The following STON2 variants were observed in gnomAD, a reference collection of about 807,000 sequenced individuals.
STON2 encodes stonin-2.
Under a neutral mutation model 65.7 loss-of-function variants are expected in STON2, and 29 were observed. The observed-to-expected ratio is 0.44, with a 90% CI of 0.33 to 0.60. The LOEUF (loss-of-function observed/expected upper bound fraction) is 0.60. STON2 is among the 20% of genes least tolerant of loss of function. STON2 has a pLI of 0.03. For synonymous variants in STON2, 404 were observed against 414.2 expected, an observed-to-expected ratio of 0.98 and a Z score of 0.30; for missense variants, 1,054 against 1,118.1, an observed-to-expected ratio of 0.94 and a Z score of 0.82.
At chr14:81,407,483 T>C (rs1844407566) in intron 2 of STON2, among the ~76,000 whole-genome samples, 7 of 152,356 alleles carry the variant, frequency 4.6e-5, no homozygotes, top group Admixed American at 4.6e-4. Flanking sequence ...CAAAAGAGGT[T>C]GTTAAATCTT....
chr14:81,333,322 T>G (rs1897271969), intron 4 of STON2: 1 of 620,796 alleles, frequency 1.6e-6, no homozygotes, highest in Non-Finnish European at 3.0e-6. Context: ...CGTTGGTTGG[T>G]CATGAACTTT....
chr14:81,365,666 G>A (rs1898689849), intron 4 of STON2, among the ~76,000 whole-genome samples: 1 of 152,134 alleles, frequency 6.6e-6, no homozygotes, highest in Non-Finnish European at 1.5e-5. Context: ...TGAGATGGGA[G>A]GATCACTTGA....
rs777476211 is a variant in STON2, at chr14:81,413,622, C to T, written c.-199+13480G>A. On this transcript the variant is annotated intron_variant, in intron 2 of 8. Coordinates refer to the STON2 transcript ENST00000553821. ...CAGCCTGACCAACATGGTGAAACCC[C>T]GTCTCTATTAAAAATACAAAAAAAT... 3.6e-5 allele frequency among the ~76,000 whole-genome samples: 5 copies of T among 138,080 alleles called. 1 individual carries two copies. The highest frequency in any genetic ancestry group is 6.0e-5 in the Non-Finnish European group (4 of 66,640). The allele number at this position is 138,080 out of a possible 152,430, so 90.6% of individuals were successfully genotyped here. A position where few individuals can be genotyped will look rare whatever the true frequency, so the allele number is the denominator to read the frequency against.
At chr14:81,435,904 C>T (rs1396224176) in intron 1 of STON2, among the ~76,000 whole-genome samples, 1 of 152,164 alleles carries the variant, frequency 6.6e-6, no homozygotes, top group Non-Finnish European at 1.5e-5. Context: ...GGGCGCGGCG[C>T]CAACCCGGGG....
intron 4 of STON2, among the ~76,000 whole-genome samples, chr14:81,338,592 C>A (rs1033999910): frequency 2.6e-5 from 4 of 152,076 alleles, no homozygotes; most frequent in African/African-American, 9.7e-5. Flanking sequence ...TATATCTGGT[C>A]GATCAGAAGT....
rs537491900 is a variant in STON2 at position 81,390,627 on chromosome 14, A to T, written c.373+5267T>A. On this transcript the variant is annotated intron_variant, in intron 3 of 7. Coordinates refer to ENST00000614646, the MANE Select transcript of STON2 (RefSeq NM_001394390.1). ...AACAAAAAGTCCTGCATCATTACAG[A>T]TTTACAGATGCTCCCCTAATTCAGA... 5.4e-4 allele frequency among the ~76,000 whole-genome samples: 83 copies of T among 152,342 alleles called. 4 individuals are homozygous for T. The South Asian group carries it at 0.015, about 28-fold the overall frequency.
intron 4 of STON2, among the ~76,000 whole-genome samples, chr14:81,337,999 C>G (rs760532260): frequency 6.6e-6 from 1 of 152,124 alleles, no homozygotes; most frequent in African/African-American, 2.4e-5. Flanking sequence ...TTGGTTTCTA[C>G]CCCAGGTTCC....
Position 81,262,316 on chromosome 14 carries a change from C to T in STON2, c.*6098G>A. 1.2e-5 allele frequency: 12 copies of T among 985,426 alleles called. No individual in the cohort carries two copies. The highest frequency in any genetic ancestry group is 1.3e-5 in the Non-Finnish European group (11 of 829,924). The allele number at this position is 985,426 out of a possible 1,614,324, so 61.0% of individuals were successfully genotyped here. A position where few individuals can be genotyped will look rare whatever the true frequency, so the allele number is the denominator to read the frequency against. ...ACTTTAAATAAACAATCCTCAATGT[C>T]CTCGTGTCTAGCCTTTCCTCCCTTT... On this transcript the variant is annotated 3_prime_UTR_variant, in exon 8 of 8. Transcript: ENST00000614646.
At chr14:81,281,008 C>T (rs1294299768) in intron 5 of STON2, among the ~76,000 whole-genome samples, 3 of 134,610 alleles carry the variant, frequency 2.2e-5, no homozygotes, top group African/African-American at 8.9e-5. Flanking sequence ...GAAACTCCGT[C>T]TCAAAAAAAA....
At chr14:81,282,120 T>C (rs1434336445) in intron 5 of STON2, among the ~76,000 whole-genome samples, 2 of 152,224 alleles carry the variant, frequency 1.3e-5, no homozygotes, top group African/African-American at 4.8e-5. Context: ...TGCAACGATG[T>C]ACACAGTGAT....
intron 5 of STON2, among the ~76,000 whole-genome samples, chr14:81,315,912 C>T (rs2140227756): frequency 6.6e-6 from 1 of 152,284 alleles, no homozygotes; most frequent in Admixed American, 6.5e-5. Context: ...AAAAACGTCA[C>T]CAGAAAGGTA....
intron 4 of STON2, among the ~76,000 whole-genome samples, chr14:81,331,982 T>C (rs1284949746): frequency 5.9e-5 from 9 of 152,238 alleles, no homozygotes; most frequent in African/African-American, 2.2e-4. Flanking sequence ...GGATCCTCCT[T>C]TAAAGCCAGA....
chr14:81,398,430 C>T lies in STON2; in HGVS notation c.-48G>A. The T allele has an allele frequency of 1.3e-6, 2 of 1,489,024 alleles. No homozygotes were observed. Among genetic ancestry groups the T allele is most frequent in the South Asian group, 2.3e-5 (2 of 88,120 alleles). The allele number at this position is 1,489,024 out of a possible 1,614,324, so 92.2% of individuals were successfully genotyped here. On this transcript the variant is annotated 5_prime_UTR_variant, in exon 2 of 8. Transcript: ENST00000614646. ...TCACACTGCTGACCTCAGGTGAACCCCAGAATACTGTCTGGGGTGGGCTGG... is the reference window on the plus strand; with the variant it reads ...TCACACTGCTGACCTCAGGTGAACCTCAGAATACTGTCTGGGGTGGGCTGG...
chr14:81,365,017 C>G lies in STON2; in HGVS notation c.571+5971G>C, dbSNP rs182464410. On this transcript the variant is annotated intron_variant, in intron 4 of 7. Coordinates refer to ENST00000614646, the MANE Select transcript of STON2 (RefSeq NM_001394390.1). ...TGTCTATGAGGAACATCTGAGCCCC[C>G]AGCCCATCCCATGGAACACAGGCTA... 1.6e-4 allele frequency among the ~76,000 whole-genome samples: 24 copies of G among 152,312 alleles called. No individual in the cohort carries two copies. In the East Asian group the frequency reaches 3.9e-3, roughly 24 times the overall value.
chr14:81,344,374 T>G (rs1193176285), intron 4 of STON2, among the ~76,000 whole-genome samples: 1 of 152,202 alleles, frequency 6.6e-6, no homozygotes, highest in Non-Finnish European at 1.5e-5. Context: ...CCTAGATATT[T>G]AGAAATATAC....
intron 5 of STON2, among the ~76,000 whole-genome samples, chr14:81,303,478 C>T (rs1254481543): frequency 6.6e-6 from 1 of 152,162 alleles, no homozygotes; most frequent in Admixed American, 6.5e-5. Flanking sequence ...GCCCTTTGCC[C>T]CAGTGGCTGA....
At position 81,410,278 on chromosome 14, in the gene STON2, C is replaced by CAAAAAAAA. The variant is rs1161157573; in HGVS notation, c.-198-11706_-198-11699dup. ...GCATGCAGATGAATGTAACTCTAAC[C>CAAAAAAAA]AAAAAAAAAAAAAAAAAAAAAAAAA... On this transcript the variant is annotated intron_variant, in intron 2 of 8. Coordinates refer to the STON2 transcript ENST00000553821. Among the ~76,000 whole-genome samples the CAAAAAAAA allele has an allele frequency of 3.5e-3, 161 of 45,806 alleles. 5 individuals carry two copies. Among genetic ancestry groups the CAAAAAAAA allele is most frequent in the Non-Finnish European group, 4.7e-3 (96 of 20,614 alleles). The allele number at this position is 45,806 out of a possible 152,430, so 30.1% of individuals were successfully genotyped here. A position where few individuals can be genotyped will look rare whatever the true frequency, so the allele number is the denominator to read the frequency against.
intron 1 of STON2, among the ~76,000 whole-genome samples, chr14:81,431,985 T>C (rs1391483324): frequency 6.6e-6 from 1 of 152,138 alleles, no homozygotes; most frequent in Non-Finnish European, 1.5e-5. Flanking sequence ...GAATTTTCTA[T>C]TCATACCCCG....
chr14:81,272,148 G>A (rs1480215942), intron 6 of STON2, among the ~76,000 whole-genome samples: 1 of 152,180 alleles, frequency 6.6e-6, no homozygotes, highest in Non-Finnish European at 1.5e-5. Context: ...TGTGAACCTG[G>A]GAGGCAGAGC....
Sources: allele counts gnomAD v4.1 joint callset (sites outside exome capture counted in the v4.1 genomes callset), GRCh38; gene constraint gnomAD v4.1.1; transcripts MANE v1.5; gene names NCBI Gene and HGNC (gene_info 2026-07-23, HGNC 2026-07-21).